KIF4A: variants seen among roughly 807,000 people sequenced by gnomAD.
The protein encoded by KIF4A is kinesin family member 4A.
In KIF4A, 7 loss-of-function variants were observed where a neutral mutation model predicts 105.9. The ratio of observed to expected loss-of-function variants is 0.07; its 90% CI spans 0.04 to 0.12. KIF4A has a LOEUF of 0.12. Ranked by LOEUF, KIF4A falls within the 10% of genes least tolerant of loss-of-function variation. The pLI is 1.00. For missense variants in KIF4A, 558 were observed against 929.2 expected (o/e 0.60, Z 5.19); for synonymous variants, 281 against 331.3 (o/e 0.85, Z 1.65).
At position 70,296,491 on chromosome X, in the gene KIF4A, C is replaced by G. The variant is rs193294563; in HGVS notation, c.236-507C>G. Among the ~76,000 whole-genome samples the G allele has an allele frequency of 4.1e-3, 466 of 112,325 alleles. 3 individuals are homozygous for G. Among genetic ancestry groups the G allele is most frequent in the Middle Eastern group, 0.028 (6 of 217 alleles). Reference sequence around the variant, plus strand: ...CTGTAAGCAGCCTGATAATATGGTTCAAATGCATTCTGAGAGTTCAGATAT... The same window carrying G: ...CTGTAAGCAGCCTGATAATATGGTTGAAATGCATTCTGAGAGTTCAGATAT... On this transcript the variant is annotated intron_variant, in intron 3 of 30. Coordinates refer to ENST00000374403, the MANE Select transcript of KIF4A (RefSeq NM_012310.5).
intron 20 of KIF4A, among the ~76,000 whole-genome samples, chrX:70,387,768 T>C (rs1257553499): frequency 9.0e-6 from 1 of 111,486 alleles, no homozygotes; most frequent in East Asian, 2.8e-4. Flanking sequence ...CTTGGGAGGC[T>C]GAGGGAGGAG....
chrX:70,322,133 C>T (rs2085892878), intron 7 of KIF4A, among the ~76,000 whole-genome samples: 1 of 109,141 alleles, frequency 9.2e-6, no homozygotes, highest in Non-Finnish European at 1.9e-5. Flanking sequence ...ATAATTCCTA[C>T]CTGTATGCTG....
chrX:70,323,829 T>TTTATTTATTTAG (rs1471915327), intron 7 of KIF4A, among the ~76,000 whole-genome samples: 1 of 106,306 alleles, frequency 9.4e-6, no homozygotes, highest in East Asian at 2.9e-4. Context: ...TATTTATTTA[T>TTTATTTATTTAG]TTATTTATTT....
intron 18 of KIF4A, among the ~76,000 whole-genome samples, chrX:70,377,275 T>C (rs2086178689): frequency 9.0e-6 from 1 of 110,988 alleles, no homozygotes; most frequent in South Asian, 3.8e-4. Flanking sequence ...TCTCACTATG[T>C]TGCCCAGACT....
chrX:70,353,338 T>C (rs2086038643), intron 14 of KIF4A, among the ~76,000 whole-genome samples: 1 of 111,717 alleles, frequency 9.0e-6, no homozygotes, highest in African/African-American at 3.3e-5. Flanking sequence ...TGGAATGAGG[T>C]AAAAGTAAGA....
chrX:70,317,428 T>A (rs1480715288), intron 7 of KIF4A, among the ~76,000 whole-genome samples: 2 of 111,078 alleles, frequency 1.8e-5, no homozygotes, highest in African/African-American at 6.5e-5. Flanking sequence ...TAACTACCAC[T>A]CAGGTTGAAA....
intron 7 of KIF4A, among the ~76,000 whole-genome samples, chrX:70,324,354 C>T (rs1334660571): frequency 3.6e-5 from 4 of 112,339 alleles, no homozygotes; most frequent in Non-Finnish European, 7.5e-5. Flanking sequence ...TATTTTCCTG[C>T]TACCTGTGCC....
chrX:70,323,936 C>T (rs1037032246), intron 7 of KIF4A, among the ~76,000 whole-genome samples: 5 of 109,577 alleles, frequency 4.6e-5, no homozygotes, highest in Non-Finnish European at 9.5e-5. Flanking sequence ...CGGGTTCAGG[C>T]GATTCTCCTG....
intron 9 of KIF4A, among the ~76,000 whole-genome samples, chrX:70,331,885 G>A (rs375690306): frequency 6.2e-4 from 70 of 112,418 alleles, no homozygotes; most frequent in African/African-American, 2.1e-3. Context: ...ATTTAAGAAG[G>A]TACTGCAGTA....
chrX:70,414,459 T>C (rs1249697904), intron 28 of KIF4A, among the ~76,000 whole-genome samples: 2 of 111,998 alleles, frequency 1.8e-5, no homozygotes, highest in Non-Finnish European at 3.8e-5. Flanking sequence ...GGGAGGTGTT[T>C]ATCACAGTCC....
At chrX:70,383,881 G>T (rs997989373) in intron 18 of KIF4A, among the ~76,000 whole-genome samples, 3 of 111,849 alleles carry the variant, frequency 2.7e-5, no homozygotes, top group Admixed American at 1.9e-4. Context: ...GTTCTCTAGG[G>T]CTTTGGGGTG....
chrX:70,366,215 A>T, intron 15 of KIF4A, among the ~76,000 whole-genome samples: 1 of 110,622 alleles, frequency 9.0e-6, no homozygotes, highest in Non-Finnish European at 1.9e-5. Context: ...GGATTCATTG[A>T]TTTTTTTGAA....
intron 13 of KIF4A, among the ~76,000 whole-genome samples, chrX:70,347,039 A>G (rs1406810438): frequency 3.6e-5 from 4 of 112,253 alleles, no homozygotes; most frequent in African/African-American, 1.3e-4. Flanking sequence ...ATATAATTCA[A>G]GCAAACCTCC....
chrX:70,353,505 TGTAAA>T (rs1213572529), intron 14 of KIF4A, 112 bp from the exon 15 acceptor site: 8 of 603,817 alleles, frequency 1.3e-5, no homozygotes, highest in Non-Finnish European at 2.0e-5. Flanking sequence ...GAGCCACTGT[TGTAAA>T]GGAACAGAGA....
chrX:70,383,651 T>C (rs2086206568), intron 18 of KIF4A, among the ~76,000 whole-genome samples: 1 of 112,114 alleles, frequency 8.9e-6, no homozygotes, highest in Non-Finnish European at 1.9e-5. Flanking sequence ...CATCAACTGA[T>C]GAATGGGTAA....
intron 28 of KIF4A, among the ~76,000 whole-genome samples, chrX:70,411,917 C>A (rs1373996957): frequency 9.1e-6 from 1 of 110,055 alleles, no homozygotes; most frequent in Non-Finnish European, 1.9e-5. Flanking sequence ...AAAAAAGAGT[C>A]CCCCTATTAC....
At position 70,373,520 on chromosome X, in the gene KIF4A, GTATGTATATATATATATA is replaced by G. The variant is rs1289379020; in HGVS notation, c.1675-627_1675-610del. 1.0e-3 allele frequency among the ~76,000 whole-genome samples: 6 copies of G among 5,882 alleles called. 1 individual carries two copies. Among genetic ancestry groups the G allele is most frequent in the African/African-American group, 8.0e-3 (6 of 753 alleles). 5.1% of individuals were successfully genotyped at this position (5,882 alleles called of 115,157 possible). ...GCAACATATATATATACATGTGTGT[GTATGTATATATATATATA>G]TATATATATATATATATACGTATAT... is the stretch of plus-strand genomic sequence containing the variant. On this transcript the variant is annotated intron_variant, in intron 15 of 30. Coordinates refer to ENST00000374403, the MANE Select transcript of KIF4A (RefSeq NM_012310.5).
intron 13 of KIF4A, among the ~76,000 whole-genome samples, chrX:70,346,615 T>C (rs1459640062): frequency 9.0e-6 from 1 of 111,623 alleles, no homozygotes; most frequent in Non-Finnish European, 1.9e-5. Context: ...AATCGCTGTG[T>C]CTGCCACTTA....
chrX:70,364,773 A>G lies in KIF4A; in HGVS notation c.1675-9378A>G, dbSNP rs777547291. ...CTTTAAAGTAGTTTTTTCCAATTCT[A>G]TGAAGAAAGTCATTGGTAGCTTGAT... On this transcript the variant is annotated intron_variant, in intron 15 of 30. Transcript: ENST00000374403. Among the ~76,000 whole-genome samples the G allele has an allele frequency of 5.6e-4, 62 of 111,639 alleles. No homozygotes were observed. In the East Asian group the frequency reaches 0.015, roughly 26 times the overall value.
Sources: allele counts gnomAD v4.1 joint callset (sites outside exome capture counted in the v4.1 genomes callset), GRCh38; gene constraint gnomAD v4.1.1; transcripts MANE v1.5; gene names NCBI Gene and HGNC (gene_info 2026-07-23, HGNC 2026-07-21).